The following KCNJ3 variants were observed in gnomAD, a reference collection of about 807,000 sequenced individuals.
KCNJ3 encodes the protein G protein-activated inward rectifier potassium channel 1.
KCNJ3 carries 4 observed loss-of-function variants against 39.2 expected under a neutral mutation model. The ratio of observed to expected loss-of-function variants is 0.10; its 90% CI spans 0.05 to 0.23. KCNJ3 has a LOEUF of 0.23. Ranked by LOEUF, KCNJ3 falls within the 10% of genes least tolerant of loss-of-function variation. KCNJ3 has a pLI of 1.00. For synonymous variants in KCNJ3, 230 were observed against 237.4 expected (o/e 0.97, Z 0.29); for missense variants, 276 against 634.9 (o/e 0.43, Z 6.08).
At chr2:154,852,465 AT>A (rs1687772945) in intron 2 of KCNJ3, among the ~76,000 whole-genome samples, 1 of 152,076 alleles carries the variant, frequency 6.6e-6, no homozygotes, top group South Asian at 2.1e-4. Flanking sequence ...TATTTATAGT[AT>A]TTTTTCTTAA....
At chr2:154,741,668 T>A (rs1685655617) in intron 2 of KCNJ3, among the ~76,000 whole-genome samples, 1 of 151,882 alleles carries the variant, frequency 6.6e-6, no homozygotes, top group Non-Finnish European at 1.5e-5. Flanking sequence ...TTTAGAAGAT[T>A]GACTTGAGGT....
intron 2 of KCNJ3, among the ~76,000 whole-genome samples, chr2:154,831,266 C>CAACA (rs1057190496): frequency 6.6e-6 from 1 of 152,074 alleles, no homozygotes; most frequent in East Asian, 1.9e-4. Flanking sequence ...CTTCAATATA[C>CAACA]AACACCAAAT....
chr2:154,827,193 A>G (rs1687285559), intron 2 of KCNJ3, among the ~76,000 whole-genome samples: 1 of 152,078 alleles, frequency 6.6e-6, no homozygotes, highest in Admixed American at 6.6e-5. Context: ...CATATCTTTT[A>G]ATTGACTTAT....
At chr2:154,761,144 T>C (rs1686039506) in intron 2 of KCNJ3, among the ~76,000 whole-genome samples, 1 of 151,548 alleles carries the variant, frequency 6.6e-6, no homozygotes. Flanking sequence ...TGTAATCCTT[T>C]AGAATTCATT....
intron 2 of KCNJ3, among the ~76,000 whole-genome samples, chr2:154,826,465 G>A (rs1013524886): frequency 2.0e-5 from 3 of 152,176 alleles, no homozygotes; most frequent in African/African-American, 7.2e-5. Context: ...GTCATTTGCA[G>A]TGTTGGTTAA....
chr2:154,727,049 C>T (rs565614152), intron 2 of KCNJ3, among the ~76,000 whole-genome samples: 9 of 152,018 alleles, frequency 5.9e-5, no homozygotes, highest in East Asian at 1.9e-4. Context: ...TAAAAGACTA[C>T]GCATTGGTTA....
At chr2:154,783,055 G>T (rs2105204772) in intron 2 of KCNJ3, among the ~76,000 whole-genome samples, 1 of 152,196 alleles carries the variant, frequency 6.6e-6, no homozygotes, top group African/African-American at 2.4e-5. Context: ...GTGGGCACCT[G>T]TATTCCCAGC....
At position 154,855,378 on chromosome 2, in the gene KCNJ3, G is replaced by A. The variant is rs192562744; in HGVS notation, c.*65G>A. ...TAATAGTCCAATATTTGGCGATGAGGTAATTCTCCCTAAGGAATCTGAAAG... is the reference window on the plus strand; with the variant it reads ...TAATAGTCCAATATTTGGCGATGAGATAATTCTCCCTAAGGAATCTGAAAG... On this transcript the variant is annotated 3_prime_UTR_variant, in exon 3 of 3. Transcript: ENST00000295101. 4,758 of 1,079,312 alleles carry A rather than the reference G, an allele frequency of 4.4e-3. 17 individuals are homozygous for A. The highest frequency in any genetic ancestry group is 7.3e-3 in the Middle Eastern group (34 of 4,684). The allele number at this position is 1,079,312 out of a possible 1,614,324, so 66.9% of individuals were successfully genotyped here.
chr2:154,827,638 G>T (rs542864474), intron 2 of KCNJ3, among the ~76,000 whole-genome samples: 2 of 152,092 alleles, frequency 1.3e-5, no homozygotes, highest in African/African-American at 4.8e-5. Flanking sequence ...GGAAGACTCA[G>T]GAGGAAAGGA....
intron 2 of KCNJ3, among the ~76,000 whole-genome samples, chr2:154,773,684 T>A (rs1686282323): frequency 6.6e-6 from 1 of 152,150 alleles, no homozygotes; most frequent in Non-Finnish European, 1.5e-5. Context: ...AATTCAGACC[T>A]CTCTTTTTTA....
intron 2 of KCNJ3, among the ~76,000 whole-genome samples, chr2:154,836,442 A>G (rs1256061650): frequency 2.0e-5 from 3 of 151,946 alleles, no homozygotes; most frequent in South Asian, 4.1e-4. Context: ...TTTTTTCTTA[A>G]TTGAAATAAA....
At chr2:154,745,078 C>T (rs1685716792) in intron 2 of KCNJ3, among the ~76,000 whole-genome samples, 1 of 151,788 alleles carries the variant, frequency 6.6e-6, no homozygotes, top group Non-Finnish European at 1.5e-5. Context: ...CCATTGTGTT[C>T]AGGGAACACA....
intron 2 of KCNJ3, among the ~76,000 whole-genome samples, chr2:154,810,006 G>A (rs559966096): frequency 1.0e-3 from 154 of 151,980 alleles, no homozygotes; most frequent in Middle Eastern, 3.4e-3. Flanking sequence ...TCACATATAT[G>A]GAACAATTAT....
chr2:154,806,237 A>T (rs1006244739), intron 2 of KCNJ3, among the ~76,000 whole-genome samples: 2 of 152,110 alleles, frequency 1.3e-5, no homozygotes, highest in African/African-American at 4.8e-5. Flanking sequence ...GAGATAAGGG[A>T]TGTTATTACT....
intron 2 of KCNJ3, among the ~76,000 whole-genome samples, chr2:154,815,948 ATG>A: frequency 6.6e-6 from 1 of 152,282 alleles, no homozygotes; most frequent in Non-Finnish European, 1.5e-5. Context: ...CAGAATATAA[ATG>A]TGTGTCCCAC....
intron 2 of KCNJ3, among the ~76,000 whole-genome samples, chr2:154,835,804 A>G (rs1341535176): frequency 6.6e-6 from 1 of 152,126 alleles, no homozygotes; most frequent in Non-Finnish European, 1.5e-5. Context: ...TTCATATAAT[A>G]TGGATAATTA....
chr2:154,725,714 G>T (rs1421539395), intron 2 of KCNJ3, among the ~76,000 whole-genome samples: 1 of 152,034 alleles, frequency 6.6e-6, no homozygotes, highest in African/African-American at 2.4e-5. Flanking sequence ...ATACTATAAG[G>T]TTACAGTTGC....
chr2:154,849,669 C>T (rs1296402036), intron 2 of KCNJ3, among the ~76,000 whole-genome samples: 1 of 152,152 alleles, frequency 6.6e-6, no homozygotes, highest in East Asian at 1.9e-4. Flanking sequence ...AGTGACACAT[C>T]CACCATCCCC....
chr2:154,704,424 T>G (rs1684963478), intron 1 of KCNJ3, among the ~76,000 whole-genome samples: 1 of 152,168 alleles, frequency 6.6e-6, no homozygotes, highest in African/African-American at 2.4e-5. Context: ...AGCCGCTCTT[T>G]CATTTGAATG....
Sources: allele counts gnomAD v4.1 joint callset (sites outside exome capture counted in the v4.1 genomes callset), GRCh38; gene constraint gnomAD v4.1.1; transcripts MANE v1.5; gene names NCBI Gene and HGNC (gene_info 2026-07-23, HGNC 2026-07-21).